The following UGT2B7 variants were observed in gnomAD, a reference collection of about 807,000 sequenced individuals.
UGT2B7 encodes UDP glucuronosyltransferase family 2 member B7.
A neutral mutation model predicts 51.9 loss-of-function variants in UGT2B7; 51 were observed. The ratio of observed to expected loss-of-function variants is 0.98; its 90% CI spans 0.78 to 1.24. The LOEUF is 1.24. Among genes scored for constraint, UGT2B7 ranks in the 50% most tolerant of loss-of-function variants. UGT2B7 has a pLI of 0.00. For missense variants in UGT2B7, 727 were observed against 628.4 expected, an observed-to-expected ratio of 1.16 and a Z score of -1.68; for synonymous variants, 225 against 211.6, an observed-to-expected ratio of 1.06 and a Z score of -0.55.
At chr4:69,077,635 T>C (rs1170835317) in intron 1 of UGT2B7, among the ~76,000 whole-genome samples, 1 of 152,146 alleles carries the variant, frequency 6.6e-6, no homozygotes, top group Non-Finnish European at 1.5e-5. Flanking sequence ...TGACTTCGTA[T>C]CCTGAGACTT....
chr4:69,104,371 T>G (rs888018340), intron 3 of UGT2B7, among the ~76,000 whole-genome samples: 2 of 152,154 alleles, frequency 1.3e-5, no homozygotes, highest in African/African-American at 4.8e-5. Context: ...ATTGCTAATG[T>G]ATTTTACTTC....
At position 69,098,640 on chromosome 4, in the gene UGT2B7, T is replaced by C; in HGVS notation, c.822T>C (p.Val274=). The part of the protein sequence containing the change: ...FQFPYPLLPN[V]DFVGGLHCKP... ...TTCCATATCCACTCTTACCAAATGTTGATTTTGTTGGAGGACTCCACTGCA... is the reference window on the plus strand; with the variant it reads ...TTCCATATCCACTCTTACCAAATGTCGATTTTGTTGGAGGACTCCACTGCA... The change falls in exon 2 of 6, where the codon GTT becomes GTC. Residue 274 remains valine, a synonymous_variant. Transcript: ENST00000305231. 1 of 1,612,750 alleles carries C rather than the reference T, an allele frequency of 6.2e-7. No individual in the cohort carries two copies. The highest frequency in any genetic ancestry group is 8.5e-7 in the Non-Finnish European group (1 of 1,179,132).
intron 3 of UGT2B7, among the ~76,000 whole-genome samples, chr4:69,104,246 C>T (rs1024064181): frequency 1.3e-5 from 2 of 152,208 alleles, no homozygotes; most frequent in East Asian, 1.9e-4. Flanking sequence ...AAGATCACAC[C>T]AATGCACTCC....
At chr4:69,107,028 T>A in intron 3 of UGT2B7, 147 bp from the exon 4 acceptor site, 1 of 853,342 alleles carries the variant, frequency 1.2e-6, no homozygotes, top group Non-Finnish European at 1.7e-6. Context: ...TTGAGAAAAT[T>A]AATGTGAGTA....
At chr4:69,070,589 A>G (rs1577910836) in intron 1 of UGT2B7, among the ~76,000 whole-genome samples, 1 of 152,082 alleles carries the variant, frequency 6.6e-6, no homozygotes, top group South Asian at 2.1e-4. Flanking sequence ...AAGAAAATCC[A>G]TTTATGAATA....
At chr4:69,093,342 A>G (rs1719130630), upstream of UGT2B7, among the ~76,000 whole-genome samples, 1 of 152,208 alleles carries the variant, frequency 6.6e-6, no homozygotes, top group Non-Finnish European at 1.5e-5. Flanking sequence ...CAAACAGCAA[A>G]GATGGTGGCC....
At chr4:69,060,421 T>C (rs897850426) in intron 1 of UGT2B7, among the ~76,000 whole-genome samples, 2 of 152,170 alleles carry the variant, frequency 1.3e-5, no homozygotes, top group African/African-American at 2.4e-5. Context: ...AGCCATTATA[T>C]GAAGCCACAA....
intron 1 of UGT2B7, among the ~76,000 whole-genome samples, chr4:69,074,345 T>A (rs1718658145): frequency 1.3e-5 from 2 of 151,458 alleles, no homozygotes; most frequent in South Asian, 4.2e-4. Context: ...TCACTTGACC[T>A]TGGTAGGTTG....
chr4:69,088,980 T>A (rs554054996), intron 1 of UGT2B7, among the ~76,000 whole-genome samples: 11 of 152,294 alleles, frequency 7.2e-5, no homozygotes, highest in Middle Eastern at 3.4e-3. Context: ...AAATTATTCA[T>A]TTTACAGATC....
chr4:69,075,746 T>C (rs1179669789), intron 1 of UGT2B7, among the ~76,000 whole-genome samples: 1 of 152,162 alleles, frequency 6.6e-6, no homozygotes, highest in East Asian at 1.9e-4. Flanking sequence ...TAGTTTGTTA[T>C]AAAGTGATAA....
chr4:69,094,297 G>A (rs1719162404), upstream of UGT2B7, among the ~76,000 whole-genome samples: 4 of 84,874 alleles, frequency 4.7e-5, 2 homozygotes, highest in South Asian at 8.9e-4. Flanking sequence ...CCGCTACCAC[G>A]CCCGGCTAAT....
At chr4:69,101,856 G>A (rs1057397781) in intron 2 of UGT2B7, among the ~76,000 whole-genome samples, 6 of 152,110 alleles carry the variant, frequency 3.9e-5, no homozygotes, top group Non-Finnish European at 7.4e-5. Context: ...ATGTTACGTG[G>A]TGTGTGTGAG....
chr4:69,083,670 C>T (rs1002777068), intron 1 of UGT2B7, among the ~76,000 whole-genome samples: 2 of 152,150 alleles, frequency 1.3e-5, no homozygotes. Context: ...ATTTTCTTTG[C>T]CTTTTTTAAA....
intron 1 of UGT2B7, among the ~76,000 whole-genome samples, chr4:69,065,228 AAAC>A (rs1192411205): frequency 6.6e-6 from 1 of 152,226 alleles, no homozygotes; most frequent in Non-Finnish European, 1.5e-5. Flanking sequence ...AAGGAAGCCC[AAAC>A]TCACCCACCC....
intron 1 of UGT2B7, among the ~76,000 whole-genome samples, chr4:69,088,250 C>A (rs1321618865): frequency 6.6e-6 from 1 of 152,054 alleles, no homozygotes; most frequent in Non-Finnish European, 1.5e-5. Context: ...CAATTCACTT[C>A]ACATATTTTT....
intron 1 of UGT2B7, among the ~76,000 whole-genome samples, chr4:69,064,068 G>GAATA (rs1718422775): frequency 9.7e-6 from 1 of 103,608 alleles, no homozygotes; most frequent in African/African-American, 5.1e-5. Flanking sequence ...AAGAAAGAAA[G>GAATA]AAAGAAAGAA....
At chr4:69,089,497 C>G (rs1031891675) in exon 2 of UGT2B7, 1 of 150,708 alleles carries the variant, frequency 6.6e-6, no homozygotes. Context: ...GTCCAGATCT[C>G]TGGCAAAGAT....
chr4:69,060,039 A>C (rs1718308886), intron 1 of UGT2B7, among the ~76,000 whole-genome samples: 1 of 152,180 alleles, frequency 6.6e-6, no homozygotes, highest in Admixed American at 6.5e-5. Flanking sequence ...AAACTCTCCT[A>C]CAATCTTTGA....
chr4:69,111,794 A>G (rs1354748793), intron 5 of UGT2B7, among the ~76,000 whole-genome samples: 1 of 152,206 alleles, frequency 6.6e-6, no homozygotes, highest in Non-Finnish European at 1.5e-5. Flanking sequence ...TTCAATTTCT[A>G]CTTTAAAAAT....
Sources: gnomAD v4.1 joint callset for allele counts (sites outside exome capture counted in the v4.1 genomes callset) on GRCh38, gnomAD v4.1.1 for gene constraint, MANE v1.5 for transcripts, NCBI Gene and HGNC (gene_info 2026-07-23, HGNC 2026-07-21) for gene names.